CD96: variants seen among roughly 807,000 people sequenced by gnomAD.
CD96 encodes CD96 molecule.
In CD96, 70 loss-of-function variants were observed where a neutral mutation model predicts 71.3. That is an observed-to-expected ratio of 0.98 (90% confidence interval 0.81 to 1.20). The LOEUF (loss-of-function observed/expected upper bound fraction) is 1.20, where lower values mean the gene tolerates loss of function less well. Ranked by LOEUF, CD96 falls within the 50% of genes most tolerant of loss-of-function variation. CD96 has a pLI of 0.00. For synonymous variants in CD96, 248 were observed against 233.0 expected, an observed-to-expected ratio of 1.06 and a Z score of -0.59; for missense variants, 742 against 677.5, an observed-to-expected ratio of 1.10 and a Z score of -1.06.
At chr3:111,544,579 G>A (rs1934286275) in intron 1 of CD96, among the ~76,000 whole-genome samples, 1 of 152,168 alleles carries the variant, frequency 6.6e-6, no homozygotes, top group African/African-American at 2.4e-5. Flanking sequence ...TTGTAAACAT[G>A]TATTTTTCAA....
intron 2 of CD96, among the ~76,000 whole-genome samples, chr3:111,555,709 C>A (rs1003504580): frequency 1.4e-4 from 22 of 152,278 alleles, no homozygotes; most frequent in African/African-American, 5.1e-4. Context: ...TTTTGGCTTT[C>A]AGAAGTTTGA....
At chr3:111,660,410 T>A (rs537483406) in intron 14 of CD96, among the ~76,000 whole-genome samples, 1 of 152,260 alleles carries the variant, frequency 6.6e-6, no homozygotes, top group East Asian at 1.9e-4. Context: ...TAGATTGGAA[T>A]AATCAATATT....
At chr3:111,594,252 G>T (rs1411913313) in intron 5 of CD96, 28 of 1,513,818 alleles carry the variant, frequency 1.8e-5, no homozygotes, top group African/African-American at 2.8e-5. Context: ...TGAGCCAAAA[G>T]CTTATTTGAA....
At chr3:111,629,728 C>T (rs930971393) in intron 10 of CD96, among the ~76,000 whole-genome samples, 22 of 152,164 alleles carry the variant, frequency 1.4e-4, no homozygotes, top group African/African-American at 5.3e-4. Flanking sequence ...TTCTCATCAC[C>T]TCATGGCACT....
At chr3:111,630,310 A>C (rs1334678599) in intron 10 of CD96, among the ~76,000 whole-genome samples, 2 of 152,142 alleles carry the variant, frequency 1.3e-5, no homozygotes, top group Non-Finnish European at 2.9e-5. Flanking sequence ...ACACAATCAG[A>C]AATTATAAGA....
At position 111,570,656 on chromosome 3, in the gene CD96, C is replaced by T. The variant is rs1412379498; in HGVS notation, c.543+3009C>T. On this transcript the variant is annotated intron_variant, in intron 3 of 13. Transcript: ENST00000352690. ...CAGCTCACACGTACATGGCCCGGGACATGACAAAGCATTTGCCCTGGTAGG... is the reference window on the plus strand; with the variant it reads ...CAGCTCACACGTACATGGCCCGGGATATGACAAAGCATTTGCCCTGGTAGG... The T allele has an allele frequency of 3.7e-6, 6 of 1,608,762 alleles. No homozygotes were observed. The South Asian group carries it at 4.4e-5, about 12-fold the overall frequency.
At chr3:111,564,710 A>G (rs1277082943) in intron 2 of CD96, among the ~76,000 whole-genome samples, 2 of 151,944 alleles carry the variant, frequency 1.3e-5, no homozygotes, top group African/African-American at 4.8e-5. Context: ...TGCTTCTGGT[A>G]TCTTTATAGG....
chr3:111,567,490 T>A, intron 2 of CD96, 33 bp from the exon 3 acceptor site: 1 of 1,586,212 alleles, frequency 6.3e-7, no homozygotes, highest in Non-Finnish European at 8.7e-7. Context: ...CAATCAGAGA[T>A]TCACATATTT....
chr3:111,638,217 T>C (rs553528187), intron 12 of CD96, 49 bp downstream of exon 12: 3 of 1,123,784 alleles, frequency 2.7e-6, no homozygotes, highest in Admixed American at 1.7e-5. Context: ...ATTCACTCAA[T>C]AAATATTTAT....
At chr3:111,569,177 G>A (rs1935858227) in intron 3 of CD96, among the ~76,000 whole-genome samples, 1 of 152,104 alleles carries the variant, frequency 6.6e-6, no homozygotes, top group South Asian at 2.1e-4. Flanking sequence ...CCTTGGGTTT[G>A]TGCCAAACCC....
At chr3:111,644,091 T>C (rs1939717692) in intron 12 of CD96, among the ~76,000 whole-genome samples, 1 of 152,028 alleles carries the variant, frequency 6.6e-6, no homozygotes, top group South Asian at 2.1e-4. Context: ...AACTATACTA[T>C]AAAGCCATAG....
At position 111,638,171 on chromosome 3, in the gene CD96, A is replaced by G; in HGVS notation, c.1477+3A>G. 1 of 1,548,920 alleles carries G rather than the reference A, an allele frequency of 6.5e-7. No individual in the cohort carries two copies. The highest frequency in any genetic ancestry group is 8.9e-7 in the Non-Finnish European group (1 of 1,120,522). On this transcript the variant is annotated splice_donor_region_variant and intron_variant, in intron 12 of 13. Coordinates refer to ENST00000352690, the MANE Select transcript of CD96 (RefSeq NM_005816.5). ...AACTAATCACGTCCATATCACTGGT[A>G]AGTCATTTATCCTATTTTGGGGGAT...
intron 6 of CD96, among the ~76,000 whole-genome samples, chr3:111,598,792 T>A (rs1576370687): frequency 6.6e-6 from 1 of 152,088 alleles, no homozygotes; most frequent in Non-Finnish European, 1.5e-5. Context: ...AGGTGAAAAT[T>A]CACAAAGCCA....
chr3:111,643,890 T>C (rs1331730922), intron 12 of CD96, among the ~76,000 whole-genome samples: 2 of 152,108 alleles, frequency 1.3e-5, no homozygotes, highest in Non-Finnish European at 2.9e-5. Context: ...ATAATCAATA[T>C]TGTGAAAATT....
At chr3:111,657,442 C>G (rs1046995160) in intron 14 of CD96, among the ~76,000 whole-genome samples, 4 of 151,074 alleles carry the variant, frequency 2.6e-5, no homozygotes, top group Non-Finnish European at 5.9e-5. Flanking sequence ...ATTCAAGTAG[C>G]TAGGAACACA....
chr3:111,588,685 TACTC>T (rs1936828595), intron 5 of CD96, among the ~76,000 whole-genome samples: 1 of 152,266 alleles, frequency 6.6e-6, no homozygotes, highest in Admixed American at 6.5e-5. Flanking sequence ...TCATGAGACT[TACTC>T]ACTGTCACAA....
chr3:111,556,617 G>A (rs1379997216), intron 2 of CD96, among the ~76,000 whole-genome samples: 1 of 132,266 alleles, frequency 7.6e-6, no homozygotes, highest in Non-Finnish European at 1.6e-5. Context: ...TTGGACATTT[G>A]GGTTGGTTCC....
chr3:111,657,129 T>G (rs1559783912), downstream of CD96, among the ~76,000 whole-genome samples: 2 of 151,934 alleles, frequency 1.3e-5, no homozygotes, highest in Non-Finnish European at 2.9e-5. Flanking sequence ...GATTAGTTTT[T>G]AGGAAAAACT....
intron 3 of CD96, chr3:111,570,895 G>C (rs372435384): frequency 6.2e-7 from 1 of 1,601,748 alleles, no homozygotes; most frequent in South Asian, 1.1e-5. Context: ...TCATGGTATC[G>C]AGGCATTTCC....
Sources: gnomAD v4.1 joint callset for allele counts (sites outside exome capture counted in the v4.1 genomes callset) on GRCh38, gnomAD v4.1.1 for gene constraint, MANE v1.5 for transcripts, NCBI Gene and HGNC (gene_info 2026-07-23, HGNC 2026-07-21) for gene names.